UTRN: variants seen among roughly 807,000 people sequenced by gnomAD.
The protein encoded by UTRN is utrophin.
A neutral mutation model predicts 463.9 loss-of-function variants in UTRN; 283 were observed. The ratio of observed to expected loss-of-function variants is 0.61; its 90% CI spans 0.55 to 0.67. The LOEUF (loss-of-function observed/expected upper bound fraction) is 0.67. Ranked by LOEUF, UTRN falls within the 30% of genes least tolerant of loss-of-function variation. UTRN has a pLI of 0.00. For missense variants in UTRN, 3,922 were observed against 4,084.3 expected (o/e 0.96, Z 1.08); for synonymous variants, 1,442 against 1,431.5 (o/e 1.01, Z -0.17).
chr6:144,410,962 G>A (rs575040818), intron 3 of UTRN, among the ~76,000 whole-genome samples: 2 of 152,170 alleles, frequency 1.3e-5, no homozygotes, highest in East Asian at 3.9e-4. Flanking sequence ...TTTTCCAAAT[G>A]CCTACCTCTG....
chr6:144,488,543 A>G (rs1792709647), intron 29 of UTRN, 130 bp from the exon 30 acceptor site: 6 of 776,906 alleles, frequency 7.7e-6, no homozygotes, highest in African/African-American at 5.3e-5. Context: ...AGTAATTATT[A>G]TTTATTTATA....
Position 144,511,048 on chromosome 6 carries a change from A to G in UTRN, c.4869A>G (p.Glu1623=), listed in dbSNP as rs1795123324. Residue 1623 remains glutamate, a synonymous_variant, in exon 35 of 75, where the codon GAA becomes GAG. Transcript: ENST00000367545. The part of the protein sequence containing the change: ...NLIEGSEPIL[E]ERLCVLNAGW... ...TTGAGGGCAGTGAGCCTATTTTAGA[A>G]GAGAGGCTCTGCGTCCTTAACGCTG... is the stretch of plus-strand genomic sequence containing the variant. 1.2e-6 allele frequency: 2 copies of G among 1,612,996 alleles called. No individual in the cohort carries two copies. Among genetic ancestry groups the G allele is most frequent in the Admixed American group, 3.3e-5 (2 of 59,928 alleles).
chr6:144,492,462 T>C (rs6934971), intron 32 of UTRN, among the ~76,000 whole-genome samples: 43,473 of 152,136 alleles, frequency 0.29, 6,631 homozygotes, highest in African/African-American at 0.39. Context: ...TGCTATTGTG[T>C]GTAGTGGTGT....
At chr6:144,334,096 C>T (rs976443750) in intron 2 of UTRN, among the ~76,000 whole-genome samples, 3 of 152,162 alleles carry the variant, frequency 2.0e-5, no homozygotes, top group African/African-American at 7.2e-5. Context: ...AAAATTGCTG[C>T]TGGCTAGAGA....
chr6:144,368,435 T>G (rs1325216349), intron 2 of UTRN, among the ~76,000 whole-genome samples: 1 of 152,198 alleles, frequency 6.6e-6, no homozygotes, highest in East Asian at 1.9e-4. Context: ...GATTCCTTGT[T>G]TTTTGGCCTT....
At chr6:144,682,228 C>A (rs1411572824) in intron 52 of UTRN, among the ~76,000 whole-genome samples, 1 of 152,074 alleles carries the variant, frequency 6.6e-6, no homozygotes, top group East Asian at 1.9e-4. Flanking sequence ...TTTAGATCCC[C>A]AAAATAACTG....
rs780837625 is a variant in UTRN, at chr6:144,462,711, A to G, written c.2911A>G (p.Thr971Ala). Residue 971 changes from threonine to alanine, a missense_variant, in exon 23 of 75, where the codon ACA (threonine) becomes GCA (alanine). By Grantham distance (58) the Thr-to-Ala change is moderately conservative. Coordinates refer to ENST00000367545, the MANE Select transcript of UTRN (RefSeq NM_007124.3). Reference sequence around the variant, plus strand: ...TGCATTACATAAACTTGCAGAAGAAACAAAGGCTCTGGAGAAAAATGTTCA... The same window carrying G: ...TGCATTACATAAACTTGCAGAAGAAGCAAAGGCTCTGGAGAAAAATGTTCA... ...KPALHKLAEE[T>A]KALEKNVHPD... 2 of 1,609,836 alleles carry G rather than the reference A, an allele frequency of 1.2e-6. No individual in the cohort carries two copies. Among genetic ancestry groups the G allele is most frequent in the African/African-American group, 2.7e-5 (2 of 74,668 alleles).
At chr6:144,648,535 A>C (rs1778499870) in intron 51 of UTRN, among the ~76,000 whole-genome samples, 1 of 152,228 alleles carries the variant, frequency 6.6e-6, no homozygotes, top group Non-Finnish European at 1.5e-5. Flanking sequence ...AGTATGACTA[A>C]AAAAATACAA....
intron 46 of UTRN, among the ~76,000 whole-genome samples, chr6:144,548,429 G>A (rs1041470645): frequency 6.6e-6 from 1 of 152,030 alleles, no homozygotes; most frequent in African/African-American, 2.4e-5. Context: ...ATAGAATGTT[G>A]CAAAACTGTT....
intron 34 of UTRN, among the ~76,000 whole-genome samples, chr6:144,501,935 G>A (rs1470003691): frequency 4.0e-5 from 6 of 151,894 alleles, no homozygotes; most frequent in Non-Finnish European, 7.4e-5. Context: ...CTTCTATAGC[G>A]CTGTTAAAAA....
chr6:144,354,483 A>C (rs1315215074), intron 2 of UTRN, among the ~76,000 whole-genome samples: 1 of 152,182 alleles, frequency 6.6e-6, no homozygotes, highest in Non-Finnish European at 1.5e-5. Flanking sequence ...GTTGGACCCA[A>C]CTGGATTAAA....
In UTRN at chr6:144,773,657, T is replaced by C. The variant is rs138989347; in HGVS notation, c.8558-633T>C. Among the ~76,000 whole-genome samples, 222 of 152,336 alleles carry C rather than the reference T, an allele frequency of 1.5e-3. 2 individuals are homozygous for C. Among genetic ancestry groups the C allele is most frequent in the African/African-American group, 5.1e-3 (210 of 41,584 alleles). On this transcript the variant is annotated intron_variant, in intron 59 of 74. Transcript: ENST00000367545. Reference sequence around the variant, plus strand: ...ATTGAGTGAGGAATGGATGACTGCATTGAATTGTGATTGGATGAAAGGGTA... The same window carrying C: ...ATTGAGTGAGGAATGGATGACTGCACTGAATTGTGATTGGATGAAAGGGTA...
chr6:144,309,331 G>C (rs1806038074), intron 2 of UTRN, among the ~76,000 whole-genome samples: 1 of 152,224 alleles, frequency 6.6e-6, no homozygotes, highest in South Asian at 2.1e-4. Flanking sequence ...CTCTTCCTCT[G>C]AACTGCATAC....
At position 144,824,359 on chromosome 6, in the gene UTRN, A is replaced by G. The variant is rs566251810; in HGVS notation, c.9495-2989A>G. Among the ~76,000 whole-genome samples, 11 of 150,474 alleles carry G rather than the reference A, an allele frequency of 7.3e-5. No individual in the cohort carries two copies. In the South Asian group the frequency reaches 1.9e-3, roughly 26 times the overall value. ...AGTCTAATGACAATTTAAGGCACTAAAAGGGTCATTAAGTTCTTCAAAATC... is the reference window on the plus strand; with the variant it reads ...AGTCTAATGACAATTTAAGGCACTAGAAGGGTCATTAAGTTCTTCAAAATC... On this transcript the variant is annotated intron_variant, in intron 66 of 74. Transcript: ENST00000367545.
rs577558993 is a variant in UTRN, at chr6:144,828,067, T to A, written c.9599+391T>A. On this transcript the variant is annotated intron_variant, in intron 68 of 74. Coordinates refer to ENST00000367545, the MANE Select transcript of UTRN (RefSeq NM_007124.3). Reference sequence around the variant, plus strand: ...TAATGCTTTAGGATAGGGGTTTATTTTAGAGTCTCTAAATAATATATAGGC... The same window carrying A: ...TAATGCTTTAGGATAGGGGTTTATTATAGAGTCTCTAAATAATATATAGGC... Among the ~76,000 whole-genome samples, 3 of 152,274 alleles carry A rather than the reference T, an allele frequency of 2.0e-5. No homozygotes were observed. In the South Asian group the frequency reaches 6.2e-4, roughly 32 times the overall value.
intron 2 of UTRN, among the ~76,000 whole-genome samples, chr6:144,377,332 C>T (rs539554424): frequency 5.5e-4 from 83 of 152,222 alleles, no homozygotes; most frequent in African/African-American, 1.9e-3. Flanking sequence ...CCACGGTGCC[C>T]GGCCTGTACC....
At chr6:144,574,713 CT>C in intron 50 of UTRN, among the ~76,000 whole-genome samples, 1 of 152,118 alleles carries the variant, frequency 6.6e-6, no homozygotes, top group East Asian at 1.9e-4. Context: ...TCCTGAGTAG[CT>C]GGGATTACAG....
intron 54 of UTRN, among the ~76,000 whole-genome samples, chr6:144,735,730 CA>C (rs1789313187): frequency 6.6e-6 from 1 of 151,926 alleles, no homozygotes; most frequent in South Asian, 2.1e-4. Context: ...AGTGTTACAT[CA>C]CTAAAACGCC....
At chr6:144,828,881 G>A (rs761689901) in intron 69 of UTRN, 26 bp downstream of exon 69, 2 of 1,611,164 alleles carry the variant, frequency 1.2e-6, no homozygotes, top group East Asian at 4.5e-5. Flanking sequence ...AATTAGTGCT[G>A]CCTGGGAAGG....
Sources: gnomAD v4.1 joint callset for allele counts (sites outside exome capture counted in the v4.1 genomes callset) on GRCh38, gnomAD v4.1.1 for gene constraint, MANE v1.5 for transcripts, NCBI Gene and HGNC (gene_info 2026-07-23, HGNC 2026-07-21) for gene names.